RAI1: variants seen among roughly 807,000 people sequenced by gnomAD.
RAI1 encodes retinoic acid-induced protein 1.
In RAI1, 9 loss-of-function variants were observed where a neutral mutation model predicts 123.8. That is an observed-to-expected ratio of 0.07 (90% CI 0.04 to 0.13). The LOEUF (loss-of-function observed/expected upper bound fraction) is 0.13. RAI1 is among the 10% of genes least tolerant of loss of function. RAI1 has a pLI of 1.00. For missense variants in RAI1, 2,256 were observed against 2,545.8 expected (o/e 0.89, Z 2.45); for synonymous variants, 1,231 against 1,127.3 (o/e 1.09, Z -1.84).
At chr17:17,686,568 CGTGTGTGTGTGTGTGTGTGTGTGTGT>C (rs58906330) in intron 1 of RAI1, among the ~76,000 whole-genome samples, 5 of 124,430 alleles carry the variant, frequency 4.0e-5, no homozygotes, top group Admixed American at 2.5e-4. Flanking sequence ...TTCTTGAACC[CGTGTGTGTGTGTGTGTGTGTGTGTGT>C]GTGTGTGTGT....
At position 17,794,664 on chromosome 17, in the gene RAI1, C is replaced by G; in HGVS notation, c.1716C>G (p.Phe572Leu). Residue 572 changes from phenylalanine (F) to leucine (L), a missense_variant, in exon 3 of 6, where the codon TTC (phenylalanine) becomes TTG (leucine). Transcript: ENST00000353383. ...DDMSTKSDDS[F>L]QSLHGSLPLD... ...TGTCCACCAAATCTGACGACTCCTT[C>G]CAGAGCCTACACGGCAGTCTGCCGC... 2 of 1,612,954 alleles carry G rather than the reference C, an allele frequency of 1.2e-6. No individual in the cohort carries two copies. Among genetic ancestry groups the G allele is most frequent in the Admixed American group, 1.7e-5 (1 of 60,032 alleles).
intron 2 of RAI1, among the ~76,000 whole-genome samples, chr17:17,742,209 A>G (rs948991405): frequency 6.6e-6 from 1 of 152,314 alleles, no homozygotes; most frequent in Non-Finnish European, 1.5e-5. Context: ...GCAGTGCCAC[A>G]TGGCTTTGCC....
Position 17,810,777 on chromosome 17 carries a change from CAAG to C in RAI1, c.*800_*802del. ...GAGCCCAGCCTGGGAGCGCAAAACC[CAAG>C]AAGCGGCCAGAACGCACCTCCGGCT... On this transcript the variant is annotated 3_prime_UTR_variant, in exon 6 of 6. Coordinates refer to ENST00000353383, the MANE Select transcript of RAI1 (RefSeq NM_030665.4). The surrounding 1 kb of genome is among the most constrained non-coding windows in gnomAD (Gnocchi z 4.6). 1 of 454,456 alleles carries C rather than the reference CAAG, an allele frequency of 2.2e-6. No homozygotes were observed. The highest frequency in any genetic ancestry group is 4.4e-6 in the Non-Finnish European group (1 of 225,300). The allele number at this position is 454,456 out of a possible 1,614,324, so 28.2% of individuals were successfully genotyped here.
At position 17,793,770 on chromosome 17, in the gene RAI1, C is replaced by T; in HGVS notation, c.822C>T (p.Leu274=). 2 of 1,602,988 alleles carry T rather than the reference C, an allele frequency of 1.2e-6. No individual in the cohort carries two copies. Among genetic ancestry groups the T allele is most frequent in the Non-Finnish European group, 1.7e-6 (2 of 1,178,486 alleles). ...QNLHAYQSGR[L]SYDQQQQQQQ... ...TTCATGCCTACCAGTCGGGCCGCCT[C>T]AGCTATGACCAGCAGCAGCAGCAGC... is the stretch of plus-strand genomic sequence containing the variant. Residue 274 remains leucine, a synonymous_variant, in exon 3 of 6, where the codon CTC becomes CTT. Coordinates refer to ENST00000353383, the MANE Select transcript of RAI1 (RefSeq NM_030665.4).
chr17:17,781,704 G>A (rs992676144), intron 2 of RAI1, among the ~76,000 whole-genome samples: 1 of 152,228 alleles, frequency 6.6e-6, no homozygotes, highest in East Asian at 1.9e-4. Context: ...GTCCCCTGGC[G>A]CGGTCGCAGG....
intron 1 of RAI1, among the ~76,000 whole-genome samples, chr17:17,702,006 G>A (rs751864137): frequency 2.0e-5 from 3 of 152,260 alleles, no homozygotes; most frequent in Non-Finnish European, 4.4e-5. Flanking sequence ...TTTAAAGGAA[G>A]CAGAGAACAG....
Position 17,797,829 on chromosome 17 carries a change from TTCC to T in RAI1, c.4887_4889del (p.Ser1630del), listed in dbSNP as rs2032319985. 2 of 1,613,856 alleles carry T rather than the reference TTCC, an allele frequency of 1.2e-6. No individual in the cohort carries two copies. The highest frequency in any genetic ancestry group is 8.5e-7 in the Non-Finnish European group (1 of 1,180,002). ...ATGCGCCCAAGCCCCACAGGAAGCC[TTCC>T]TCCTCTGCCTCCTCTTCCTCATCCT... On this transcript the variant is annotated inframe_deletion, in exon 3 of 6. Transcript: ENST00000353383.
Position 17,796,595 on chromosome 17 carries a change from A to C in RAI1, c.3647A>C (p.Asp1216Ala). The change falls in exon 3 of 6, where the codon GAC becomes GCC. Residue 1216 changes from aspartate to alanine, a missense_variant. Physicochemically the swap from Asp to Ala is moderately radical, Grantham distance 126. Coordinates refer to ENST00000353383, the MANE Select transcript of RAI1 (RefSeq NM_030665.4). The surrounding 1 kb of genome is among the most constrained non-coding windows in gnomAD (Gnocchi z 5.8). ...CCTGGTGCAGGCAGCAAGCTCTCTGACCGGCCCCTCCATGCGCTCAAAAGG... is the reference window on the plus strand; with the variant it reads ...CCTGGTGCAGGCAGCAAGCTCTCTGCCCGGCCCCTCCATGCGCTCAAAAGG... ...PKPGAGSKLS[D>A]RPLHALKRKS... 6.2e-7 allele frequency: 1 copy of C among 1,612,034 alleles called. No homozygotes were observed. Among genetic ancestry groups the C allele is most frequent in the Non-Finnish European group, 8.5e-7 (1 of 1,179,960 alleles).
At chr17:17,781,619 G>A (rs2031583966) in intron 2 of RAI1, among the ~76,000 whole-genome samples, 1 of 152,198 alleles carries the variant, frequency 6.6e-6, no homozygotes, top group African/African-American at 2.4e-5. Flanking sequence ...CTAAGGGAGG[G>A]TGAGCCTGAA....
At chr17:17,789,366 C>T (rs1456944713) in intron 2 of RAI1, among the ~76,000 whole-genome samples, 1 of 152,244 alleles carries the variant, frequency 6.6e-6, no homozygotes, top group African/African-American at 2.4e-5. Context: ...TGTTCTGCAG[C>T]CGCCTTGCTC....
Position 17,796,895 on chromosome 17 carries a change from C to G in RAI1, c.3947C>G (p.Thr1316Ser), listed in dbSNP as rs1457730865. 2.5e-6 allele frequency: 4 copies of G among 1,613,194 alleles called. No homozygotes were observed. The highest frequency in any genetic ancestry group is 3.4e-6 in the Non-Finnish European group (4 of 1,180,042). The change falls in exon 3 of 6, where the codon ACC (threonine) becomes AGC (serine). Residue 1316 changes from threonine (T) to serine (S), a missense_variant. This residue lies in a region of RAI1 where 322 missense variants were observed against 358.0 expected (regional missense o/e 0.90). Coordinates refer to ENST00000353383, the MANE Select transcript of RAI1 (RefSeq NM_030665.4). The surrounding 1 kb of genome is among the most constrained non-coding windows in gnomAD (Gnocchi z 5.8). ...SRAAFQGAMK[T>S]KVLPPRKGRG... Reference sequence around the variant, plus strand: ...GCAGCCTTCCAGGGGGCCATGAAGACCAAGGTGCTGCCACCCCGGAAGGGC... The same window carrying G: ...GCAGCCTTCCAGGGGGCCATGAAGAGCAAGGTGCTGCCACCCCGGAAGGGC...
At position 17,728,735 on chromosome 17, in the gene RAI1, A is replaced by C. The variant is rs576076512; in HGVS notation, c.-17+4576A>C. ...AGCTTGTTGTTTGCACAGATCCTGC[A>C]AGTCAGCGCTTGTGGTTCCAGTTTT... On this transcript the variant is annotated intron_variant, in intron 2 of 5. Transcript: ENST00000353383. 7.2e-4 allele frequency among the ~76,000 whole-genome samples: 109 copies of C among 152,326 alleles called. 2 individuals carry two copies. Among genetic ancestry groups the C allele is most frequent in the Middle Eastern group, 3.4e-3 (1 of 294 alleles).
At chr17:17,752,331 G>A (rs570788236) in intron 2 of RAI1, among the ~76,000 whole-genome samples, 1 of 152,364 alleles carries the variant, frequency 6.6e-6, no homozygotes, top group South Asian at 2.1e-4. Flanking sequence ...TCACACTGCG[G>A]AGGGGCGGGG....
chr17:17,706,223 AATGGCACTTG>A (rs1487391381), intron 1 of RAI1, among the ~76,000 whole-genome samples: 1 of 151,862 alleles, frequency 6.6e-6, no homozygotes, highest in Non-Finnish European at 1.5e-5. Flanking sequence ...CGAGGGAAGG[AATGGCACTTG>A]GGGGAGTGGG....
intron 2 of RAI1, 43 bp from the exon 3 acceptor site, chr17:17,792,890 T>G: frequency 3.4e-6 from 1 of 296,120 alleles, no homozygotes; most frequent in Non-Finnish European, 6.9e-6. Flanking sequence ...CATCCTCCCC[T>G]CCCTCCTTCC....
chr17:17,772,262 G>C (rs1355550458), intron 2 of RAI1, among the ~76,000 whole-genome samples: 2 of 152,166 alleles, frequency 1.3e-5, no homozygotes, highest in Admixed American at 6.5e-5. Context: ...CCAATGCTCT[G>C]TTCCTGACAT....
chr17:17,809,506 C>T lies in RAI1; in HGVS notation c.5709+67C>T. On this transcript the variant is annotated intron_variant, in intron 5 of 5. Transcript: ENST00000353383. This position sits in a 1 kb window ranked among gnomAD's most constrained non-coding sequence, Gnocchi z 4.9. Reference sequence around the variant, plus strand: ...GGGAGAGGAGCCCCACCTCGCACCTCCTTCACAGTCCCCTGGGCCCCCTTG... The same window carrying T: ...GGGAGAGGAGCCCCACCTCGCACCTTCTTCACAGTCCCCTGGGCCCCCTTG... 1.4e-6 allele frequency: 2 copies of T among 1,479,610 alleles called. No individual in the cohort carries two copies. The highest frequency in any genetic ancestry group is 3.3e-5 in the Admixed American group (2 of 59,810). The allele number at this position is 1,479,610 out of a possible 1,614,324, so 91.7% of individuals were successfully genotyped here. A position where few individuals can be genotyped will look rare whatever the true frequency, so the allele number is the denominator to read the frequency against.
chr17:17,752,738 C>G (rs2030257266), intron 2 of RAI1, among the ~76,000 whole-genome samples: 1 of 152,212 alleles, frequency 6.6e-6, no homozygotes, highest in Non-Finnish European at 1.5e-5. Context: ...GGCCTTTGCA[C>G]GTCATTCCTG....
chr17:17,788,620 C>A (rs1415386280), intron 2 of RAI1, among the ~76,000 whole-genome samples: 3 of 152,092 alleles, frequency 2.0e-5, no homozygotes, highest in Non-Finnish European at 4.4e-5. Context: ...TTTCTTGCAG[C>A]TACAAATCAT....
Sources: allele counts gnomAD v4.1 joint callset (sites outside exome capture counted in the v4.1 genomes callset), GRCh38; gene constraint gnomAD v4.1.1; regional missense constraint gnomAD v4.1.1; non-coding constraint Gnocchi (gnomAD v3.1); transcripts MANE v1.5; gene names NCBI Gene and HGNC (gene_info 2026-07-23, HGNC 2026-07-21).